DGLUCY: variants seen among roughly 807,000 people sequenced by gnomAD.
DGLUCY encodes the protein D-glutamate cyclase, also known as D-glutamate cyclase, mitochondrial.
Under a neutral mutation model 58.5 loss-of-function variants are expected in DGLUCY, and 58 were observed. The ratio of observed to expected loss-of-function variants is 0.99; its 90% CI spans 0.80 to 1.23. The LOEUF (loss-of-function observed/expected upper bound fraction) is 1.23. Among genes scored for constraint, DGLUCY ranks in the 50% most tolerant of loss-of-function variants. The probability of loss-of-function intolerance (pLI) is 0.00; values close to 1 mark genes in which losing one functional copy is unlikely to be tolerated. For synonymous variants in DGLUCY, 325 were observed against 314.1 expected (o/e 1.03, Z -0.37); for missense variants, 779 against 784.7 (o/e 0.99, Z 0.09).
At chr14:91,068,079 G>GCACACACACA (rs57428509) in intron 1 of DGLUCY, among the ~76,000 whole-genome samples, 111 of 146,432 alleles carry the variant, frequency 7.6e-4, no homozygotes, top group Admixed American at 1.2e-3. Flanking sequence ...ACACGCGCAC[G>GCACACACACA]CACACACACA....
chr14:91,083,941 C>T (rs1194865565), intron 1 of DGLUCY, among the ~76,000 whole-genome samples: 1 of 152,130 alleles, frequency 6.6e-6, no homozygotes, highest in Non-Finnish European at 1.5e-5. Context: ...GCATAGACCA[C>T]TATCCAAAAT....
At chr14:91,192,880 G>T (rs984511327) in intron 9 of DGLUCY, among the ~76,000 whole-genome samples, 1 of 152,186 alleles carries the variant, frequency 6.6e-6, no homozygotes, top group African/African-American at 2.4e-5. Flanking sequence ...AAAGAATGCA[G>T]GTTTGACCCT....
intron 4 of DGLUCY, 74 bp downstream of exon 4, chr14:91,167,452 G>A (rs779798218): frequency 9.5e-6 from 15 of 1,582,838 alleles, no homozygotes; most frequent in African/African-American, 5.4e-5. Context: ...TCTGTCATCC[G>A]GGACCTCTCT....
chr14:91,137,321 G>A (rs926093002), intron 1 of DGLUCY, among the ~76,000 whole-genome samples: 10 of 152,032 alleles, frequency 6.6e-5, no homozygotes, highest in Admixed American at 2.0e-4. Context: ...TTTACCTGGA[G>A]TGTAGAATGT....
intron 12 of DGLUCY, among the ~76,000 whole-genome samples, chr14:91,209,018 G>A (rs1416802642): frequency 1.3e-5 from 2 of 151,930 alleles, no homozygotes; most frequent in Admixed American, 1.3e-4. Flanking sequence ...AAAAAGTGTA[G>A]AAGACAAAAA....
At chr14:91,188,848 T>G (rs1265391528) in intron 8 of DGLUCY, 62 bp from the exon 9 acceptor site, 3 of 1,498,708 alleles carry the variant, frequency 2.0e-6, no homozygotes, top group African/African-American at 1.4e-5. Context: ...AATACATACA[T>G]ACATACATAC....
At chr14:91,202,900 C>T (rs1472448068) in intron 11 of DGLUCY, among the ~76,000 whole-genome samples, 1 of 152,228 alleles carries the variant, frequency 6.6e-6, no homozygotes, top group African/African-American at 2.4e-5. Flanking sequence ...GCCCCAGACC[C>T]TCCTGCCCAG....
At chr14:91,104,907 A>G (rs576242010), upstream of DGLUCY, among the ~76,000 whole-genome samples, 1 of 152,358 alleles carries the variant, frequency 6.6e-6, no homozygotes, top group African/African-American at 2.4e-5. Flanking sequence ...GGGGTATAAC[A>G]GCACTTACTG....
intron 10 of DGLUCY, among the ~76,000 whole-genome samples, chr14:91,197,266 C>T (rs1486047955): frequency 9.9e-5 from 15 of 151,824 alleles, no homozygotes; most frequent in Admixed American, 7.2e-4. Flanking sequence ...CGCGCCTGGC[C>T]GCTAATTTTT....
In DGLUCY at chr14:91,075,432, C is replaced by T. The variant is rs78798536; in HGVS notation, c.-82+14728C>T. On this transcript the variant is annotated intron_variant, in intron 1 of 4. Coordinates refer to the DGLUCY transcript ENST00000521334. ...TGCTGGGATGGCAGGCATGAGCCAC[C>T]GCACCCTACCTAGAGTCATGTTTTT... Among the ~76,000 whole-genome samples the T allele has an allele frequency of 4.0e-3, 613 of 152,196 alleles. 7 individuals carry two copies. The highest frequency in any genetic ancestry group is 0.014 in the African/African-American group (565 of 41,526).
chr14:91,179,566 C>T (rs2049041224), intron 7 of DGLUCY, among the ~76,000 whole-genome samples: 1 of 152,076 alleles, frequency 6.6e-6, no homozygotes, highest in South Asian at 2.1e-4. Context: ...GCCTAGCCAA[C>T]ATGGCAAAAC....
At position 91,181,387 on chromosome 14, in the gene DGLUCY, C is replaced by T. The variant is rs1303406242; in HGVS notation, c.932C>T (p.Pro311Leu). Reference sequence around the variant, plus strand: ...CTAGAGTCTATGATCGGCATAGACCCAGGTAAGAAACAACACATTTGCTCG... The same window carrying T: ...CTAGAGTCTATGATCGGCATAGACCTAGGTAAGAAACAACACATTTGCTCG... ...RELESMIGID[P>L]GNRGIGHLLC... The change falls in exon 8 of 14, where the codon CCA (proline) becomes CTA (leucine). Residue 311 changes from proline to leucine, a missense_variant and splice_region_variant. By Grantham distance (98) the Pro-to-Leu change is moderately conservative. Coordinates refer to ENST00000256324, the MANE Select transcript of DGLUCY (RefSeq NM_001102368.3). 1.2e-6 allele frequency: 2 copies of T among 1,612,436 alleles called. No homozygotes were observed. The highest frequency in any genetic ancestry group is 1.7e-6 in the Non-Finnish European group (2 of 1,179,524).
chr14:91,214,095 T>C (rs551100600), intron 12 of DGLUCY, among the ~76,000 whole-genome samples: 5 of 152,086 alleles, frequency 3.3e-5, no homozygotes, highest in Admixed American at 6.6e-5. Context: ...TGGCAAAATT[T>C]TACTCAACCT....
intron 13 of DGLUCY, among the ~76,000 whole-genome samples, chr14:91,220,220 G>T (rs1305139308): frequency 6.6e-6 from 1 of 152,250 alleles, no homozygotes; most frequent in Non-Finnish European, 1.5e-5. Context: ...GCCCACTTCA[G>T]CCTGGAGCAA....
At chr14:91,131,596 C>G (rs993161537) in intron 1 of DGLUCY, among the ~76,000 whole-genome samples, 2 of 152,016 alleles carry the variant, frequency 1.3e-5, no homozygotes, top group Admixed American at 1.3e-4. Flanking sequence ...AGGTATATCT[C>G]CTATGCTATC....
upstream of DGLUCY, among the ~76,000 whole-genome samples, chr14:91,104,152 T>C (rs1179181559): frequency 2.1e-5 from 3 of 143,234 alleles, no homozygotes; most frequent in African/African-American, 7.8e-5. Context: ...AAGCTCCGCC[T>C]CCCGGGTTCA....
intron 12 of DGLUCY, among the ~76,000 whole-genome samples, chr14:91,207,864 A>G (rs866760680): frequency 1.3e-5 from 2 of 151,946 alleles, no homozygotes; most frequent in African/African-American, 4.8e-5. Context: ...CTCCTGCCTC[A>G]GCCTCCCGAG....
At chr14:91,154,538 G>A (rs570946959) in intron 1 of DGLUCY, among the ~76,000 whole-genome samples, 1 of 152,312 alleles carries the variant, frequency 6.6e-6, no homozygotes, top group African/African-American at 2.4e-5. Flanking sequence ...AAGCCCACAA[G>A]GAATTCATCT....
intron 1 of DGLUCY, among the ~76,000 whole-genome samples, chr14:91,150,264 C>T (rs1448615873): frequency 6.8e-6 from 1 of 146,924 alleles, no homozygotes; most frequent in Non-Finnish European, 1.5e-5. Flanking sequence ...CTGTGTGAAG[C>T]ACCCACACAA....
Sources: allele counts gnomAD v4.1 joint callset (sites outside exome capture counted in the v4.1 genomes callset), GRCh38; gene constraint gnomAD v4.1.1; transcripts MANE v1.5; gene names NCBI Gene and HGNC (gene_info 2026-07-23, HGNC 2026-07-21).